Variants in HORMAD2 observed in about 807,000 individuals in gnomAD.
HORMAD2 encodes HORMA domain containing 2, also known as HORMA domain-containing protein 2.
Under a neutral mutation model 38.8 loss-of-function variants are expected in HORMAD2, and 45 were observed. That is an observed-to-expected ratio of 1.16 (90% CI 0.91 to 1.49). The LOEUF (loss-of-function observed/expected upper bound fraction) is 1.49. Ranked by LOEUF, HORMAD2 falls within the 40% of genes most tolerant of loss-of-function variation. The pLI, the probability that HORMAD2 is intolerant of heterozygous loss-of-function variation, is 0.00. For missense variants in HORMAD2, 338 were observed against 367.0 expected (o/e 0.92, Z 0.65); for synonymous variants, 126 against 122.8 (o/e 1.03, Z -0.17).
intron 10 of HORMAD2, among the ~76,000 whole-genome samples, chr22:30,141,133 G>T (rs1224434326): frequency 6.6e-6 from 1 of 152,026 alleles, no homozygotes; most frequent in African/African-American, 2.4e-5. Context: ...GAGTAGCTGG[G>T]ATTACAGGCA....
intron 10 of HORMAD2, among the ~76,000 whole-genome samples, chr22:30,174,250 A>G (rs1926294393): frequency 6.6e-6 from 1 of 152,212 alleles, no homozygotes; most frequent in Non-Finnish European, 1.5e-5. Flanking sequence ...CAACCAGATA[A>G]TCTTTCTAGC....
intron 1 of HORMAD2, among the ~76,000 whole-genome samples, chr22:30,084,187 T>G (rs1400770324): frequency 6.6e-6 from 1 of 152,206 alleles, no homozygotes; most frequent in Non-Finnish European, 1.5e-5. Flanking sequence ...AGAGCAGACA[T>G]GTATTGGCTT....
chr22:30,139,569 C>G (rs1254424788), intron 10 of HORMAD2, among the ~76,000 whole-genome samples: 1 of 151,854 alleles, frequency 6.6e-6, no homozygotes, highest in Non-Finnish European at 1.5e-5. Context: ...TTCTTCCTTT[C>G]TAATCTGGAT....
chr22:30,164,056 T>A (rs182774949), intron 10 of HORMAD2, among the ~76,000 whole-genome samples: 2 of 152,344 alleles, frequency 1.3e-5, no homozygotes, highest in Admixed American at 1.3e-4. Context: ...TAATATTTGT[T>A]CTTTTTTGAC....
intron 10 of HORMAD2, among the ~76,000 whole-genome samples, chr22:30,130,738 G>A (rs990907641): frequency 1.3e-5 from 2 of 151,558 alleles, no homozygotes; most frequent in African/African-American, 2.4e-5. Context: ...CTACAGGGGC[G>A]TGTCACCATG....
chr22:30,135,082 G>A (rs1401174050), intron 10 of HORMAD2, among the ~76,000 whole-genome samples: 1 of 151,654 alleles, frequency 6.6e-6, no homozygotes, highest in Non-Finnish European at 1.5e-5. Flanking sequence ...GGTCTGTCTG[G>A]CTCCAAAACT....
chr22:30,168,042 G>T (rs1925890492), intron 10 of HORMAD2, among the ~76,000 whole-genome samples: 1 of 152,112 alleles, frequency 6.6e-6, no homozygotes, highest in Non-Finnish European at 1.5e-5. Context: ...TCTGTTGTAA[G>T]CATTCAAATG....
chr22:30,097,332 C>T (rs1405669162), intron 2 of HORMAD2, among the ~76,000 whole-genome samples: 4 of 152,298 alleles, frequency 2.6e-5, no homozygotes, highest in East Asian at 3.9e-4. Context: ...ATATATCAGT[C>T]GCTCTCTTAT....
intron 10 of HORMAD2, among the ~76,000 whole-genome samples, chr22:30,167,115 C>T (rs1185390872): frequency 1.3e-5 from 2 of 152,174 alleles, no homozygotes; most frequent in South Asian, 2.1e-4. Flanking sequence ...TTCTTTGCCT[C>T]GTCCAGCTTC....
intron 10 of HORMAD2, among the ~76,000 whole-genome samples, chr22:30,149,078 G>A (rs560048347): frequency 1.3e-5 from 2 of 152,282 alleles, no homozygotes; most frequent in Admixed American, 6.5e-5. Context: ...CAACTTTTCC[G>A]TGTATAATAT....
intron 4 of HORMAD2, 56 bp downstream of exon 4, chr22:30,103,556 A>G (rs533097979): frequency 2.4e-4 from 203 of 856,116 alleles, no homozygotes; most frequent in Non-Finnish European, 3.5e-4. Context: ...CATGGCTGAA[A>G]TTACCCATAA....
chr22:30,121,047 G>A (rs1259591123), intron 8 of HORMAD2, among the ~76,000 whole-genome samples: 1 of 152,168 alleles, frequency 6.6e-6, no homozygotes, highest in Non-Finnish European at 1.5e-5. Flanking sequence ...TTTCCTATTA[G>A]TAATATTATT....
At chr22:30,078,519 T>TC (rs1389493164), upstream of HORMAD2, among the ~76,000 whole-genome samples, 1 of 137,046 alleles carries the variant, frequency 7.3e-6, no homozygotes, top group African/African-American at 2.8e-5. Context: ...GGCAGGAGAA[T>TC]CACTTGAGCC....
intron 10 of HORMAD2, among the ~76,000 whole-genome samples, chr22:30,139,312 C>CAT (rs1268092791): frequency 1.4e-4 from 15 of 109,878 alleles, no homozygotes; most frequent in South Asian, 2.8e-4. Flanking sequence ...TCTCTACATA[C>CAT]ATATATATAT....
At chr22:30,180,970 TCCTCTCCTCTCCTCC>T (rs1318807935), downstream of HORMAD2, among the ~76,000 whole-genome samples, 8 of 81,318 alleles carry the variant, frequency 9.8e-5, no homozygotes, top group East Asian at 4.0e-4. Flanking sequence ...TCCTCTCCTC[TCCTCTCCTCTCCTCC>T]CCTCTCCTCC....
chr22:30,141,344 T>C (rs560281802), intron 10 of HORMAD2, among the ~76,000 whole-genome samples: 35 of 152,278 alleles, frequency 2.3e-4, no homozygotes, highest in Non-Finnish European at 4.6e-4. Flanking sequence ...GTATGTTGTT[T>C]AATTTCCACA....
intron 10 of HORMAD2, among the ~76,000 whole-genome samples, chr22:30,131,520 T>A (rs941650727): frequency 1.3e-5 from 2 of 152,308 alleles, no homozygotes; most frequent in Admixed American, 1.3e-4. Flanking sequence ...CTGTAACATA[T>A]CAATTTCACT....
the HORMAD2 span, among the ~76,000 whole-genome samples, chr22:30,188,624 A>G: frequency 6.6e-6 from 1 of 152,200 alleles, no homozygotes; most frequent in East Asian, 1.9e-4. Flanking sequence ...TTCTTATCCA[A>G]TGTTCTAACT....
intron 10 of HORMAD2, among the ~76,000 whole-genome samples, chr22:30,159,852 C>T (rs1016671373): frequency 5.9e-5 from 9 of 151,546 alleles, no homozygotes; most frequent in African/African-American, 2.2e-4. Flanking sequence ...TAGTTTTTTC[C>T]TCTCCATGTT....
Sources: allele counts gnomAD v4.1 joint callset (sites outside exome capture counted in the v4.1 genomes callset), GRCh38; gene constraint gnomAD v4.1.1; transcripts MANE v1.5; gene names NCBI Gene and HGNC (gene_info 2026-07-23, HGNC 2026-07-21).